Variants in RBM27 observed in about 807,000 individuals in gnomAD.
The protein encoded by RBM27 is RNA-binding protein 27.
In RBM27, 22 loss-of-function variants were observed where a neutral mutation model predicts 135.3. The ratio of observed to expected loss-of-function variants is 0.16; its 90% CI spans 0.12 to 0.23. The LOEUF (loss-of-function observed/expected upper bound fraction) is 0.23, where lower values mean the gene tolerates loss of function less well. RBM27 is among the 10% of genes least tolerant of loss of function. RBM27 has a pLI of 1.00. For synonymous variants in RBM27, 481 were observed against 442.4 expected (o/e 1.09, Z -1.10); for missense variants, 1,009 against 1,281.0 (o/e 0.79, Z 3.24).
chr5:146,203,852 G>A, intron 1 of RBM27, 28 bp downstream of exon 1: 1 of 1,538,966 alleles, frequency 6.5e-7, no homozygotes, highest in South Asian at 1.2e-5. Flanking sequence ...GGCCGGGGCC[G>A]GCGAACGTGG....
At position 146,269,600 on chromosome 5, in the gene RBM27, T is replaced by C. The variant is rs754830934; in HGVS notation, c.2691+16T>C. On this transcript the variant is annotated intron_variant, in intron 17 of 20. Coordinates refer to ENST00000265271, the MANE Select transcript of RBM27 (RefSeq NM_018989.2). ...AAAAACGGAGGTATCTATTTGCATT[T>C]TTTATTTAACATAGGGTTATTGAAC... is the stretch of plus-strand genomic sequence containing the variant. 4 of 1,505,604 alleles carry C rather than the reference T, an allele frequency of 2.7e-6. No individual in the cohort carries two copies. Among genetic ancestry groups the C allele is most frequent in the Non-Finnish European group, 3.5e-6 (4 of 1,131,654 alleles). The allele number at this position is 1,505,604 out of a possible 1,614,324, so 93.3% of individuals were successfully genotyped here.
intron 8 of RBM27, among the ~76,000 whole-genome samples, chr5:146,240,683 A>C (rs540216270): frequency 2.0e-5 from 3 of 152,266 alleles, no homozygotes; most frequent in African/African-American, 7.2e-5. Flanking sequence ...ATAATGACAT[A>C]TACTTATATA....
intron 15 of RBM27, among the ~76,000 whole-genome samples, chr5:146,268,658 G>A (rs530039467): frequency 6.6e-6 from 1 of 152,076 alleles, no homozygotes; most frequent in Non-Finnish European, 1.5e-5. Flanking sequence ...TCATGGCCCA[G>A]TGCAGCCTTG....
Position 146,233,575 on chromosome 5 carries a change from C to T in RBM27, c.976C>T (p.Pro326Ser), listed in dbSNP as rs1217161904. The stretch of plus-strand genomic sequence containing the variant: ...ACCCCCTCCTCCTGGGCTTCCTCCT[C>T]CACCACCTCCTGGAATGTTAATGCC... ...FPPPPPGLPP[P>S]PPPGMLMPPM... The change falls in exon 7 of 21, where the codon CCA becomes TCA. Residue 326 changes from proline to serine, a missense_variant. By Grantham distance (74) the Pro-to-Ser change is moderately conservative (BLOSUM62 -1). Around this residue, in one of 6 missense-constraint regions of RBM27, gnomAD observed 329 missense variants for 368.1 expected, o/e 0.89. Transcript: ENST00000265271. The T allele has an allele frequency of 1.2e-6, 2 of 1,612,962 alleles. No individual in the cohort carries two copies. The highest frequency in any genetic ancestry group is 1.7e-6 in the Non-Finnish European group (2 of 1,179,472).
intron 19 of RBM27, among the ~76,000 whole-genome samples, chr5:146,272,130 A>G (rs541903535): frequency 6.6e-6 from 1 of 152,368 alleles, no homozygotes; most frequent in African/African-American, 2.4e-5. Flanking sequence ...TATGCAGTAT[A>G]TACTCTTTCC....
In RBM27 at chr5:146,271,069, A is replaced by G; in HGVS notation, c.2796+11A>G. ...CAGTTACAGGTTGAGGTGAGATTTA[A>G]AAGGAGTTAGCGCCCCACCACATTT... On this transcript the variant is annotated intron_variant, in intron 18 of 20. Transcript: ENST00000265271. The G allele has an allele frequency of 6.3e-7, 1 of 1,596,552 alleles. No homozygotes were observed. The highest frequency in any genetic ancestry group is 8.6e-7 in the Non-Finnish European group (1 of 1,164,870).
Position 146,286,145 on chromosome 5 carries a change from CAGTAGGTTCAAG to C in RBM27, c.*117_*128del. On this transcript the variant is annotated 3_prime_UTR_variant, in exon 21 of 21. Transcript: ENST00000265271. ...AATTTTTTTATTTTTCTTTTCAACA[CAGTAGGTTCAAG>C]AACAGCAAGTTTGCTATTTAAACAC... 1.3e-6 allele frequency: 1 copy of C among 768,220 alleles called. No homozygotes were observed. Among genetic ancestry groups the C allele is most frequent in the Non-Finnish European group, 2.0e-6 (1 of 489,574 alleles). The allele number at this position is 768,220 out of a possible 1,614,324, so 47.6% of individuals were successfully genotyped here.
intron 19 of RBM27, among the ~76,000 whole-genome samples, chr5:146,279,836 A>G (rs1003071186): frequency 6.6e-6 from 1 of 151,952 alleles, no homozygotes; most frequent in Non-Finnish European, 1.5e-5. Flanking sequence ...AGTATGACTA[A>G]TAAAAGTAAA....
chr5:146,212,698 G>A (rs1756018718), intron 1 of RBM27, among the ~76,000 whole-genome samples: 1 of 151,460 alleles, frequency 6.6e-6, no homozygotes. Context: ...GTATTATATT[G>A]TATTATAGTA....
At chr5:146,245,920 G>A (rs1581190920) in intron 8 of RBM27, among the ~76,000 whole-genome samples, 1 of 152,262 alleles carries the variant, frequency 6.6e-6, no homozygotes, top group East Asian at 1.9e-4. Context: ...AAAGCTTGGG[G>A]ACTGCTGGTC....
chr5:146,250,647 A>G (rs1297926642), intron 8 of RBM27, among the ~76,000 whole-genome samples: 7 of 151,234 alleles, frequency 4.6e-5, no homozygotes, highest in African/African-American at 1.7e-4. Flanking sequence ...TTGTGTGTGC[A>G]TTCTTGCATT....
chr5:146,261,255 G>C, intron 12 of RBM27: 1 of 555,580 alleles, frequency 1.8e-6, no homozygotes, highest in Non-Finnish European at 3.2e-6. Context: ...GGCAGACAGA[G>C]AAAGAGAAAG....
At chr5:146,243,836 G>A (rs1238147898) in intron 8 of RBM27, among the ~76,000 whole-genome samples, 1 of 152,068 alleles carries the variant, frequency 6.6e-6, no homozygotes, top group Non-Finnish European at 1.5e-5. Flanking sequence ...ATGTCAATAA[G>A]GACCCAAAGT....
intron 2 of RBM27, 111 bp from the exon 3 acceptor site, chr5:146,223,292 T>C: frequency 1.2e-6 from 1 of 859,290 alleles, no homozygotes; most frequent in Non-Finnish European, 1.7e-6. Flanking sequence ...TCATTTTTAG[T>C]CCTACTAGCA....
intron 19 of RBM27, among the ~76,000 whole-genome samples, chr5:146,272,207 C>G (rs1758898119): frequency 6.6e-6 from 1 of 152,152 alleles, no homozygotes; most frequent in South Asian, 2.1e-4. Context: ...CATACATGAT[C>G]TCATTTAATT....
intron 19 of RBM27, among the ~76,000 whole-genome samples, chr5:146,279,807 C>CA (rs766177641): frequency 0.021 from 1,150 of 54,774 alleles, 5 homozygotes; most frequent in Middle Eastern, 0.05. Context: ...GACTCTGTCT[C>CA]AAAAAAAAAA....
At position 146,237,306 on chromosome 5, in the gene RBM27, A is replaced by G. The variant is rs990133500; in HGVS notation, c.1153A>G (p.Ile385Val). 1.1e-5 allele frequency: 17 copies of G among 1,614,124 alleles called. No homozygotes were observed. Among genetic ancestry groups the G allele is most frequent in the Middle Eastern group, 1.6e-4 (1 of 6,062 alleles). ...TTGTTGTCTGTATGTAGGACCACCT[A>G]TAACACAATCAAGCTTGATAAACAG... Reference protein sequence around the residue: ...SVVLPIPRPPITQSSLINSRD... With the variant: ...SVVLPIPRPPVTQSSLINSRD... Residue 385 changes from isoleucine (I) to valine (V), a missense_variant, in exon 8 of 21, where the codon ATA (isoleucine) becomes GTA (valine). Coordinates refer to ENST00000265271, the MANE Select transcript of RBM27 (RefSeq NM_018989.2).
chr5:146,253,903 A>G (rs1453427889), intron 9 of RBM27, among the ~76,000 whole-genome samples: 1 of 152,192 alleles, frequency 6.6e-6, no homozygotes, highest in Non-Finnish European at 1.5e-5. Context: ...CTGATCTTAT[A>G]TTCTGAATCA....
chr5:146,252,842 G>T (rs1169939082), intron 9 of RBM27, among the ~76,000 whole-genome samples: 1 of 152,050 alleles, frequency 6.6e-6, no homozygotes, highest in Non-Finnish European at 1.5e-5. Context: ...ACTGTCTTTA[G>T]TTGTCTTAAA....
Sources: allele counts gnomAD v4.1 joint callset (sites outside exome capture counted in the v4.1 genomes callset), GRCh38; gene constraint gnomAD v4.1.1; regional missense constraint gnomAD v4.1.1; transcripts MANE v1.5; gene names NCBI Gene and HGNC (gene_info 2026-07-23, HGNC 2026-07-21).